The following ROBO2 variants were observed in gnomAD, a reference collection of about 807,000 sequenced individuals.
ROBO2 encodes roundabout homolog 2.
In ROBO2, 53 loss-of-function variants were observed where a neutral mutation model predicts 160.8. That is an observed-to-expected ratio of 0.33 (90% CI 0.26 to 0.41). The LOEUF (loss-of-function observed/expected upper bound fraction) is 0.41, where lower values mean the gene tolerates loss of function less well. Among genes scored for constraint, ROBO2 ranks in the 10% least tolerant of loss-of-function variants. ROBO2 has a pLI of 1.00. For missense variants in ROBO2, 1,577 were observed against 1,722.4 expected (o/e 0.92, Z 1.49); for synonymous variants, 664 against 611.7 (o/e 1.09, Z -1.26).
At chr3:77,571,904 GAA>G (rs78462911) in intron 13 of ROBO2, among the ~76,000 whole-genome samples, 1 of 143,940 alleles carries the variant, frequency 6.9e-6, no homozygotes, top group Non-Finnish European at 1.5e-5. Context: ...ATTTCGTCCT[GAA>G]AAAAAAAAAT....
chr3:76,360,869 G>T (rs904117460), intron 2 of ROBO2, among the ~76,000 whole-genome samples: 1 of 151,940 alleles, frequency 6.6e-6, no homozygotes, highest in Non-Finnish European at 1.5e-5. Context: ...TGAACATGAG[G>T]ATTAAAGCCA....
At chr3:77,143,429 C>T (rs1180893984) in intron 2 of ROBO2, among the ~76,000 whole-genome samples, 1 of 152,004 alleles carries the variant, frequency 6.6e-6, no homozygotes, top group Non-Finnish European at 1.5e-5. Flanking sequence ...CTCTTGATCT[C>T]AAGTGATCCA....
intron 2 of ROBO2, among the ~76,000 whole-genome samples, chr3:77,027,508 A>G (rs1051346988): frequency 4.6e-5 from 7 of 152,252 alleles, no homozygotes; most frequent in Non-Finnish European, 1.0e-4. Flanking sequence ...CAATCAATGT[A>G]AAACCAAATT....
At chr3:76,466,304 T>A (rs1046005870) in intron 2 of ROBO2, among the ~76,000 whole-genome samples, 5 of 152,040 alleles carry the variant, frequency 3.3e-5, no homozygotes, top group African/African-American at 1.2e-4. Context: ...TAATTTCTAT[T>A]GTTTTCTTTT....
intron 2 of ROBO2, among the ~76,000 whole-genome samples, chr3:76,295,023 C>T (rs1708998158): frequency 6.6e-6 from 1 of 152,104 alleles, no homozygotes; most frequent in East Asian, 1.9e-4. Context: ...GGGACATTCT[C>T]ATTTAGCACA....
chr3:76,725,736 G>A (rs573207965), intron 2 of ROBO2, among the ~76,000 whole-genome samples: 2 of 152,134 alleles, frequency 1.3e-5, no homozygotes, highest in African/African-American at 4.8e-5. Context: ...TCTGTTAGGT[G>A]GGGGAATGCA....
chr3:77,475,727 C>A (rs1049772488), intron 2 of ROBO2, among the ~76,000 whole-genome samples: 1 of 152,174 alleles, frequency 6.6e-6, no homozygotes, highest in African/African-American at 2.4e-5. Flanking sequence ...AATGAGTCAC[C>A]AGCTTGCTCT....
chr3:76,710,565 A>G (rs1386269448), intron 2 of ROBO2, among the ~76,000 whole-genome samples: 3 of 152,244 alleles, frequency 2.0e-5, no homozygotes, highest in African/African-American at 7.2e-5. Context: ...ATTTGGTTAT[A>G]GAATGCCTTG....
At chr3:76,767,327 T>C (rs565700641) in intron 2 of ROBO2, among the ~76,000 whole-genome samples, 1 of 151,748 alleles carries the variant, frequency 6.6e-6, no homozygotes, top group South Asian at 2.1e-4. Context: ...TAAATACTTA[T>C]AAAAGTCTGT....
chr3:76,147,148 CT>C (rs1272627800), intron 2 of ROBO2, among the ~76,000 whole-genome samples: 5 of 151,426 alleles, frequency 3.3e-5, no homozygotes, highest in Non-Finnish European at 5.9e-5. Flanking sequence ...AAGAAAATTT[CT>C]TGAGAACAAA....
At chr3:76,447,223 C>T (rs558146571) in intron 2 of ROBO2, among the ~76,000 whole-genome samples, 26 of 152,092 alleles carry the variant, frequency 1.7e-4, no homozygotes, top group African/African-American at 3.4e-4. Flanking sequence ...CATCAAAAAG[C>T]GGGTGAAGGA....
At chr3:77,291,018 C>A (rs1170970769) in intron 2 of ROBO2, among the ~76,000 whole-genome samples, 2 of 144,122 alleles carry the variant, frequency 1.4e-5, no homozygotes, top group African/African-American at 2.5e-5. Flanking sequence ...TAGATCACCC[C>A]AGACATGAAG....
Position 77,204,951 on chromosome 3 carries a change from G to T in ROBO2, c.388+106611G>T, listed in dbSNP as rs370003786. Among the ~76,000 whole-genome samples, 3 of 152,306 alleles carry T rather than the reference G, an allele frequency of 2.0e-5. No individual in the cohort carries two copies. The East Asian group carries it at 5.8e-4, about 30-fold the overall frequency. On this transcript the variant is annotated intron_variant, in intron 2 of 25. Transcript: ENST00000461745. ...TGTAGCTCCCCTGTTCAGTTGCTGC[G>T]GCTGCTCAGACCCCTGACGGGAGGG...
At chr3:77,291,276 T>A (rs1156773973) in intron 2 of ROBO2, among the ~76,000 whole-genome samples, 2 of 151,334 alleles carry the variant, frequency 1.3e-5, no homozygotes, top group Non-Finnish European at 2.9e-5. Flanking sequence ...TGAGGCTAGA[T>A]CACCCCAGAC....
chr3:76,538,550 C>G (rs1005073070), intron 2 of ROBO2, among the ~76,000 whole-genome samples: 1 of 152,140 alleles, frequency 6.6e-6, no homozygotes, highest in East Asian at 1.9e-4. Flanking sequence ...ACCTCTCACA[C>G]CTTGGACTAT....
intron 2 of ROBO2, among the ~76,000 whole-genome samples, chr3:76,744,212 TC>T (rs1260982287): frequency 1.3e-5 from 2 of 152,128 alleles, no homozygotes; most frequent in Non-Finnish European, 2.9e-5. Flanking sequence ...TTTTGTTTTT[TC>T]ATAGCTTTGG....
chr3:76,748,122 A>G (rs1232247754), intron 2 of ROBO2, among the ~76,000 whole-genome samples: 1 of 151,934 alleles, frequency 6.6e-6, no homozygotes, highest in South Asian at 2.1e-4. Context: ...TTATTTTTGA[A>G]ACCAGCCTAT....
chr3:76,543,985 C>T (rs1218890680), intron 2 of ROBO2, among the ~76,000 whole-genome samples: 1 of 151,998 alleles, frequency 6.6e-6, no homozygotes, highest in Non-Finnish European at 1.5e-5. Flanking sequence ...ACATGCTCTT[C>T]ATTTTCTTCT....
chr3:76,185,694 C>A (rs2107139370), intron 2 of ROBO2, among the ~76,000 whole-genome samples: 1 of 152,060 alleles, frequency 6.6e-6, no homozygotes, highest in African/African-American at 2.4e-5. Flanking sequence ...TTATAATGCA[C>A]AATTTTAAAA....
Sources: allele counts gnomAD v4.1 joint callset (sites outside exome capture counted in the v4.1 genomes callset), GRCh38; gene constraint gnomAD v4.1.1; transcripts MANE v1.5; gene names NCBI Gene and HGNC (gene_info 2026-07-23, HGNC 2026-07-21).